The following STX1A variants were observed in gnomAD, a reference collection of about 807,000 sequenced individuals.
STX1A encodes syntaxin 1A.
A neutral mutation model predicts 37.8 loss-of-function variants in STX1A; 4 were observed. The ratio of observed to expected loss-of-function variants is 0.11; its 90% CI spans 0.05 to 0.24. STX1A has a LOEUF of 0.24. Among genes scored for constraint, STX1A ranks in the 10% least tolerant of loss-of-function variants. STX1A has a pLI of 1.00. For missense variants in STX1A, 251 were observed against 399.9 expected (o/e 0.63, Z 3.18); for synonymous variants, 135 against 147.4 (o/e 0.92, Z 0.61).
rs542849471 is a variant in STX1A at position 73,705,580 on chromosome 7, A to C, written c.209-356T>G. The C allele has an allele frequency of 1.9e-3, 528 of 280,868 alleles. 2 individuals carry two copies. Among genetic ancestry groups the C allele is most frequent in the Admixed American group, 3.7e-3 (77 of 20,984 alleles). 17.4% of individuals were successfully genotyped at this position (280,868 alleles called of 1,614,324 possible). On this transcript the variant is annotated intron_variant, in intron 3 of 9. Coordinates refer to ENST00000222812, the MANE Select transcript of STX1A (RefSeq NM_004603.4). The surrounding 1 kb of genome is among the most constrained non-coding windows in gnomAD (Gnocchi z 5.2). ...GGAACAGTGACTTGATGCTTGCTGG[A>C]GTTGAAGGGGTGGGGGGGCGGTGTG...
intron 1 of STX1A, among the ~76,000 whole-genome samples, chr7:73,714,249 C>T (rs375206161): frequency 2.5e-4 from 38 of 152,244 alleles, no homozygotes; most frequent in African/African-American, 8.9e-4. Flanking sequence ...GCTGGGATTA[C>T]AGGCACCCGC....
chr7:73,701,237 C>T (rs1798642070), intron 8 of STX1A: 2 of 446,330 alleles, frequency 4.5e-6, no homozygotes, highest in Non-Finnish European at 8.0e-6. Context: ...CCTGCCCACA[C>T]CCCCATCCTC....
intron 1 of STX1A, among the ~76,000 whole-genome samples, chr7:73,710,328 C>G (rs1554617769): frequency 1.3e-5 from 2 of 152,284 alleles, no homozygotes; most frequent in Admixed American, 1.3e-4. Flanking sequence ...GGCCAGGTCT[C>G]TCTCTGCAGC....
At chr7:73,708,918 T>A in intron 2 of STX1A, 127 bp downstream of exon 2, 7 of 1,093,750 alleles carry the variant, frequency 6.4e-6, no homozygotes, top group African/African-American at 1.5e-5. Context: ...AAACGGTTCA[T>A]TCGTTGGCAC....
At position 73,709,533 on chromosome 7, in the gene STX1A, C is replaced by T. The variant is rs1400643143; in HGVS notation, c.31-411G>A. 6.6e-6 allele frequency among the ~76,000 whole-genome samples: 1 copy of T among 151,706 alleles called. No individual in the cohort carries two copies. The highest frequency in any genetic ancestry group is 1.5e-5 in the Non-Finnish European group (1 of 67,838). ...TCTACTCTCCTGGCCCTGTGGTTTA[C>T]ACACACACACACAAACACATACACA... On this transcript the variant is annotated intron_variant, in intron 1 of 9. Coordinates refer to ENST00000222812, the MANE Select transcript of STX1A (RefSeq NM_004603.4). The surrounding 1 kb of genome is among the most constrained non-coding windows in gnomAD (Gnocchi z 4.2).
Position 73,705,661 on chromosome 7 carries a change from G to A in STX1A, c.209-437C>T. The A allele has an allele frequency of 5.0e-6, 1 of 201,244 alleles. No individual in the cohort carries two copies. Among genetic ancestry groups the A allele is most frequent in the Non-Finnish European group, 1.0e-5 (1 of 98,314 alleles). The allele number at this position is 201,244 out of a possible 1,614,324, so 12.5% of individuals were successfully genotyped here. A position where few individuals can be genotyped will look rare whatever the true frequency, so the allele number is the denominator to read the frequency against. Reference sequence around the variant, plus strand: ...AGGGTACGCAGCCAGGCAGGGGGTTGACAGGGGACCACCCCACACTCCCTG... The same window carrying A: ...AGGGTACGCAGCCAGGCAGGGGGTTAACAGGGGACCACCCCACACTCCCTG... On this transcript the variant is annotated intron_variant, in intron 3 of 9. Transcript: ENST00000222812. The surrounding 1 kb of genome is among the most constrained non-coding windows in gnomAD (Gnocchi z 5.2).
In STX1A at chr7:73,705,151, C is replaced by CT; in HGVS notation, c.281dup (p.Ser95GlufsTer18). Reference sequence around the variant, plus strand: ...CACCCCCAGACAAGCCTGACTCACTCTTTAACTTGGAACGAACTTTGTTTG... The same window carrying CT: ...CACCCCCAGACAAGCCTGACTCACTCTTTTAACTTGGAACGAACTTTGTTTG... On this transcript the variant is annotated frameshift_variant and splice_region_variant, in exon 4 of 10. Transcript: ENST00000222812. LOFTEE classifies it high-confidence loss of function. This position sits in a 1 kb window ranked among gnomAD's most constrained non-coding sequence, Gnocchi z 5.2. The CT allele has an allele frequency of 6.2e-7, 1 of 1,613,734 alleles. No homozygotes were observed. The highest frequency in any genetic ancestry group is 8.5e-7 in the Non-Finnish European group (1 of 1,179,664).
At chr7:73,708,488 C>G (rs1382584835) in intron 3 of STX1A, 101 bp downstream of exon 3, 2 of 1,167,520 alleles carry the variant, frequency 1.7e-6, no homozygotes, top group Non-Finnish European at 2.5e-6. Flanking sequence ...CCTAAGCCCA[C>G]CAGCCATGAA....
intron 3 of STX1A, among the ~76,000 whole-genome samples, chr7:73,707,492 C>T (rs567150013): frequency 1.3e-5 from 2 of 152,162 alleles, no homozygotes; most frequent in African/African-American, 2.4e-5. Flanking sequence ...CCCTGGGAGG[C>T]GAGGGGAGGG....
At chr7:73,707,848 T>C (rs1798930970) in intron 3 of STX1A, among the ~76,000 whole-genome samples, 1 of 149,954 alleles carries the variant, frequency 6.7e-6, no homozygotes, top group African/African-American at 2.5e-5. Flanking sequence ...CGTAGGAGAA[T>C]TGCTTGAACC....
Position 73,700,845 on chromosome 7 carries a change from G to A in STX1A, c.679-5C>T, listed in dbSNP as rs551657148. The stretch of plus-strand genomic sequence containing the variant: ...GATCCTGTCAATCATCTCTCCCTGC[G>A]GGGCCGGGGGCACCCGAGCTCCAGA... On this transcript the variant is annotated splice_region_variant and splice_polypyrimidine_tract_variant and intron_variant, in intron 8 of 9. Coordinates refer to ENST00000222812, the MANE Select transcript of STX1A (RefSeq NM_004603.4). The surrounding 1 kb of genome is among the most constrained non-coding windows in gnomAD (Gnocchi z 4.4). 36 of 1,612,794 alleles carry A rather than the reference G, an allele frequency of 2.2e-5. No homozygotes were observed. Among genetic ancestry groups the A allele is most frequent in the South Asian group, 4.4e-5 (4 of 91,078 alleles).
chr7:73,708,417 G>A (rs566235081), intron 3 of STX1A, among the ~76,000 whole-genome samples, 172 bp downstream of exon 3: 1 of 152,306 alleles, frequency 6.6e-6, no homozygotes, highest in East Asian at 1.9e-4. Flanking sequence ...CCAAGCCGGG[G>A]ACAGCTGCAT....
Position 73,699,445 on chromosome 7 carries a change from T to TG in STX1A, c.*961dup, listed in dbSNP as rs1301912139. 6.6e-6 allele frequency: 1 copy of TG among 152,600 alleles called. No individual in the cohort carries two copies. The highest frequency in any genetic ancestry group is 6.5e-5 in the Admixed American group (1 of 15,274). 9.5% of individuals were successfully genotyped at this position (152,600 alleles called of 1,614,324 possible). ...TGCCTGTCCACAAGGGAGAGGGTCC[T>TG]GGGGCGGGGGCACATTTCCCATGAG... On this transcript the variant is annotated 3_prime_UTR_variant, in exon 10 of 10. Transcript: ENST00000222812.
In STX1A at chr7:73,717,925, C is replaced by A. The variant is rs1373525800; in HGVS notation, c.30+1677G>T. Among the ~76,000 whole-genome samples the A allele has an allele frequency of 6.6e-6, 1 of 152,122 alleles. No individual in the cohort carries two copies. Among genetic ancestry groups the A allele is most frequent in the Non-Finnish European group, 1.5e-5 (1 of 68,022 alleles). On this transcript the variant is annotated intron_variant, in intron 1 of 9. Coordinates refer to ENST00000222812, the MANE Select transcript of STX1A (RefSeq NM_004603.4). This position sits in a 1 kb window ranked among gnomAD's most constrained non-coding sequence, Gnocchi z 4.1. ...CCACCCCTCCCTCTAGCAGGCAAGC[C>A]GTGTTTCTTTTGTGCCTCAGTTTCC... is the stretch of plus-strand genomic sequence containing the variant.
At position 73,705,243 on chromosome 7, in the gene STX1A, T is replaced by C. The variant is rs1554616684; in HGVS notation, c.209-19A>G. ...TTCGTCTCTGGGGAGGTAGAAAGGG[T>C]GGGGGTAGGCCTCCTAGGCTCCGCG... On this transcript the variant is annotated intron_variant, in intron 3 of 9. Coordinates refer to ENST00000222812, the MANE Select transcript of STX1A (RefSeq NM_004603.4). The surrounding 1 kb of genome is among the most constrained non-coding windows in gnomAD (Gnocchi z 5.2). 1.9e-6 allele frequency: 3 copies of C among 1,611,246 alleles called. No individual in the cohort carries two copies. The South Asian group carries it at 3.3e-5, about 18-fold the overall frequency.
chr7:73,708,336 T>A (rs1203367595), intron 3 of STX1A, among the ~76,000 whole-genome samples: 1 of 150,812 alleles, frequency 6.6e-6, no homozygotes, highest in African/African-American at 2.4e-5. Flanking sequence ...CGATCGCCTC[T>A]CCCATCACCC....
In STX1A at chr7:73,704,340, G is replaced by A; in HGVS notation, c.357+10C>T. 2 of 1,614,128 alleles carry A rather than the reference G, an allele frequency of 1.2e-6. No individual in the cohort carries two copies. Among genetic ancestry groups the A allele is most frequent in the African/African-American group, 1.3e-5 (1 of 75,044 alleles). ...CAGGTGCCCGCCCATCCTAGACTCC[G>A]TGGCCGCACCTGTGTCTTCCGGATC... On this transcript the variant is annotated intron_variant, in intron 5 of 9. Transcript: ENST00000222812.
At chr7:73,708,823 T>G in intron 2 of STX1A, 135 bp from the exon 3 acceptor site, 1 of 969,888 alleles carries the variant, frequency 1.0e-6, no homozygotes, top group Non-Finnish European at 1.6e-6. Context: ...TGGGGTGCAG[T>G]GGGGGTGCAT....
chr7:73,701,202 A>C, intron 8 of STX1A: 1 of 535,432 alleles, frequency 1.9e-6, no homozygotes, highest in Non-Finnish European at 3.3e-6. Context: ...CCCTGGCCAT[A>C]GCTCCTGAGG....
Sources: gnomAD v4.1 joint callset for allele counts (sites outside exome capture counted in the v4.1 genomes callset) on GRCh38, gnomAD v4.1.1 for gene constraint, Gnocchi (gnomAD v3.1) non-coding constraint, MANE v1.5 for transcripts, NCBI Gene and HGNC (gene_info 2026-07-23, HGNC 2026-07-21) for gene names.